Variants in RAB43 observed in about 807,000 individuals in gnomAD.
RAB43 encodes RAB43, member RAS oncogene family, also known as ras-related protein Rab-43.
Under a neutral mutation model 18.8 loss-of-function variants are expected in RAB43, and 6 were observed. The observed-to-expected ratio is 0.32, with a 90% confidence interval of 0.17 to 0.63. The LOEUF is 0.63. RAB43 is among the 30% of genes least tolerant of loss of function. The probability of loss-of-function intolerance (pLI) is 0.79; values close to 1 mark genes in which losing one functional copy is unlikely to be tolerated. For missense variants in RAB43, 195 were observed against 289.1 expected, an observed-to-expected ratio of 0.67 and a Z score of 2.36; for synonymous variants, 103 against 124.1, an observed-to-expected ratio of 0.83 and a Z score of 1.13.
chr3:129,120,748 G>A (rs1226126383), intron 1 of RAB43, among the ~76,000 whole-genome samples: 1 of 152,222 alleles, frequency 6.6e-6, no homozygotes, highest in Admixed American at 6.5e-5. Context: ...AGAGACTGCA[G>A]GGAGGCGTGG....
chr3:129,121,228 C>T, intron 1 of RAB43, 58 bp downstream of exon 1: 1 of 1,449,352 alleles, frequency 6.9e-7, no homozygotes. Flanking sequence ...AGGGGCTCCG[C>T]TGCCCCCGCC....
At position 129,118,369 on chromosome 3, in the gene RAB43, G is replaced by T. The variant is rs143011148; in HGVS notation, c.204+2917C>A. ...AAATCTGTGATTCTCAAATGTTTCGGTTTTTTTAGCAGGAGAATTCTTTAG... is the reference window on the plus strand; with the variant it reads ...AAATCTGTGATTCTCAAATGTTTCGTTTTTTTTAGCAGGAGAATTCTTTAG... On this transcript the variant is annotated intron_variant, in intron 1 of 2. Coordinates refer to ENST00000315150, the MANE Select transcript of RAB43 (RefSeq NM_198490.3). Among the ~76,000 whole-genome samples, 4 of 152,302 alleles carry T rather than the reference G, an allele frequency of 2.6e-5. No individual in the cohort carries two copies. The East Asian group carries it at 5.8e-4, about 22-fold the overall frequency.
Position 129,090,137 on chromosome 3 carries a change from GCCTCT to G in RAB43, c.*954_*958del, listed in dbSNP as rs1455368492. On this transcript the variant is annotated 3_prime_UTR_variant, in exon 3 of 3. Coordinates refer to ENST00000315150, the MANE Select transcript of RAB43 (RefSeq NM_198490.3). ...ATGGGCCAGGCCAAGGACCGCCAGG[GCCTCT>G]CCTTTTTTGTCTGGGAGACTCGATT... 2 of 151,828 alleles carry G rather than the reference GCCTCT, an allele frequency of 1.3e-5. No individual in the cohort carries two copies. The highest frequency in any genetic ancestry group is 2.9e-5 in the Non-Finnish European group (2 of 68,018). The allele number at this position is 151,828 out of a possible 1,614,324, so 9.4% of individuals were successfully genotyped here. A position where few individuals can be genotyped will look rare whatever the true frequency, so the allele number is the denominator to read the frequency against.
At chr3:129,100,018 A>C (rs1353091087) in intron 1 of RAB43, among the ~76,000 whole-genome samples, 1 of 152,152 alleles carries the variant, frequency 6.6e-6, no homozygotes, top group Non-Finnish European at 1.5e-5. Flanking sequence ...TTAAAGATCC[A>C]AGAAGCTCAG....
intron 1 of RAB43, among the ~76,000 whole-genome samples, chr3:129,119,575 C>T (rs1254212932): frequency 6.6e-6 from 1 of 152,212 alleles, no homozygotes; most frequent in Non-Finnish European, 1.5e-5. Context: ...AACAGCCTCT[C>T]AAGAAGGTCA....
At chr3:129,115,443 G>T (rs1935460083) in intron 1 of RAB43, among the ~76,000 whole-genome samples, 1 of 151,758 alleles carries the variant, frequency 6.6e-6, no homozygotes, top group African/African-American at 2.4e-5. Flanking sequence ...GGCGGAGGTT[G>T]CAGTGAGCAG....
chr3:129,117,037 A>G (rs1935583856), intron 1 of RAB43, among the ~76,000 whole-genome samples: 1 of 152,164 alleles, frequency 6.6e-6, no homozygotes, highest in Non-Finnish European at 1.5e-5. Context: ...AAAAAAATAT[A>G]TATTTATAAA....
intron 1 of RAB43, among the ~76,000 whole-genome samples, chr3:129,116,196 C>A (rs1237613646): frequency 1.3e-5 from 2 of 152,176 alleles, no homozygotes; most frequent in Non-Finnish European, 2.9e-5. Flanking sequence ...TTCAGGCATC[C>A]ACTGGGGGTC....
At position 129,121,543 on chromosome 3, in the gene RAB43, T is replaced by G. The variant is rs2107591379; in HGVS notation, c.-54A>C. The G allele has an allele frequency of 6.9e-7, 1 of 1,453,676 alleles. No individual in the cohort carries two copies. The highest frequency in any genetic ancestry group is 1.4e-5 in the African/African-American group (1 of 69,062). 90.0% of individuals were successfully genotyped at this position (1,453,676 alleles called of 1,614,324 possible). A position where few individuals can be genotyped will look rare whatever the true frequency, so the allele number is the denominator to read the frequency against. ...TCTGGACGCTGGGACCGGCCTGAGC[T>G]CACGCAAGCCGCGGGCCGAGCTCCG... is the stretch of plus-strand genomic sequence containing the variant. On this transcript the variant is annotated 5_prime_UTR_variant, in exon 1 of 3. Transcript: ENST00000315150.
chr3:129,110,594 T>C (rs1278876712), intron 1 of RAB43, among the ~76,000 whole-genome samples: 1 of 152,140 alleles, frequency 6.6e-6, no homozygotes, highest in African/African-American at 2.4e-5. Context: ...ATCCCAGCAC[T>C]TTGGGAGGCT....
chr3:129,104,454 A>T (rs1329841860), intron 1 of RAB43, among the ~76,000 whole-genome samples: 1 of 152,250 alleles, frequency 6.6e-6, no homozygotes, highest in African/African-American at 2.4e-5. Flanking sequence ...GAAGTCCAGA[A>T]GCATCTACTG....
At chr3:129,121,040 G>A (rs1027049148) in intron 1 of RAB43, among the ~76,000 whole-genome samples, 1 of 150,174 alleles carries the variant, frequency 6.7e-6, no homozygotes, top group Admixed American at 6.7e-5. Flanking sequence ...AGCTCCGGAG[G>A]GCAGGGCCGC....
At chr3:129,092,614 A>G (rs771571030) in intron 2 of RAB43, 9 of 593,240 alleles carry the variant, frequency 1.5e-5, no homozygotes, top group Non-Finnish European at 9.0e-6. Flanking sequence ...ATGTATGTAT[A>G]TAAGTATGCA....
intron 2 of RAB43, among the ~76,000 whole-genome samples, chr3:129,091,656 CT>C (rs1933665571): frequency 6.6e-6 from 1 of 152,042 alleles, no homozygotes; most frequent in African/African-American, 2.4e-5. Flanking sequence ...TATGAGATGA[CT>C]TCATTACATT....
chr3:129,115,191 A>T (rs940549903), intron 1 of RAB43, among the ~76,000 whole-genome samples: 1 of 152,154 alleles, frequency 6.6e-6, no homozygotes, highest in Non-Finnish European at 1.5e-5. Flanking sequence ...ACTTTGCTCT[A>T]AATGTATTAA....
intron 1 of RAB43, among the ~76,000 whole-genome samples, chr3:129,101,704 G>C (rs1212421609): frequency 6.6e-6 from 1 of 152,230 alleles, no homozygotes; most frequent in Non-Finnish European, 1.5e-5. Context: ...CCGTGAAGAA[G>C]GAAACTGGGA....
rs1029585423 is a variant in RAB43 at position 129,106,403 on chromosome 3, T to A, written c.205-11234A>T. The stretch of plus-strand genomic sequence containing the variant: ...AAGTCAAACCAGGAGGTGGAGTTTG[T>A]GGGCCATGCGAGCTCCTGACTGCCG... On this transcript the variant is annotated intron_variant, in intron 1 of 2. Transcript: ENST00000315150. Among the ~76,000 whole-genome samples the A allele has an allele frequency of 2.6e-5, 4 of 152,186 alleles. No individual in the cohort carries two copies. In the East Asian group the frequency reaches 7.7e-4, roughly 29 times the overall value.
At chr3:129,102,917 C>T (rs1934519805) in intron 1 of RAB43, among the ~76,000 whole-genome samples, 1 of 152,172 alleles carries the variant, frequency 6.6e-6, no homozygotes, top group Non-Finnish European at 1.5e-5. Context: ...TGACAAGACA[C>T]AGCAACCAGA....
At chr3:129,106,040 G>GAA (rs1376196835) in intron 1 of RAB43, among the ~76,000 whole-genome samples, 1 of 152,188 alleles carries the variant, frequency 6.6e-6, no homozygotes, top group Non-Finnish European at 1.5e-5. Flanking sequence ...CAGCAGGGCT[G>GAA]AAAGCTGCTT....
Sources: allele counts gnomAD v4.1 joint callset (sites outside exome capture counted in the v4.1 genomes callset), GRCh38; gene constraint gnomAD v4.1.1; transcripts MANE v1.5; gene names NCBI Gene and HGNC (gene_info 2026-07-23, HGNC 2026-07-21).